Variants in SMURF2 observed in about 807,000 individuals in gnomAD.
SMURF2 encodes E3 ubiquitin-protein ligase SMURF2.
Under a neutral mutation model 109.6 loss-of-function variants are expected in SMURF2, and 48 were observed. The ratio of observed to expected loss-of-function variants is 0.44; its 90% confidence interval spans 0.35 to 0.56. The LOEUF (loss-of-function observed/expected upper bound fraction) is 0.56, where lower values mean the gene tolerates loss of function less well. Among genes scored for constraint, SMURF2 ranks in the 20% least tolerant of loss-of-function variants. SMURF2 has a pLI of 0.01. For synonymous variants in SMURF2, 288 were observed against 317.1 expected, an observed-to-expected ratio of 0.91 and a Z score of 0.97; for missense variants, 575 against 909.0, an observed-to-expected ratio of 0.63 and a Z score of 4.72.
At chr17:64,586,608 AGGCGTGGTGGTG>A (rs1302053855) in intron 5 of SMURF2, among the ~76,000 whole-genome samples, 1 of 151,196 alleles carries the variant, frequency 6.6e-6, no homozygotes, top group African/African-American at 2.4e-5. Flanking sequence ...AAAATTAGCC[AGGCGTGGTGGTG>A]GGCACCTGTA....
chr17:64,615,622 T>G (rs941807265), intron 1 of SMURF2, among the ~76,000 whole-genome samples: 15 of 152,244 alleles, frequency 9.9e-5, no homozygotes, highest in Non-Finnish European at 2.2e-4. Context: ...CAATTTTTTA[T>G]GTGTTTTAGT....
At chr17:64,555,724 T>C in intron 14 of SMURF2, 96 bp downstream of exon 14, 1 of 787,468 alleles carries the variant, frequency 1.3e-6, no homozygotes, top group Non-Finnish European at 1.9e-6. Context: ...CCACTCAATA[T>C]TTTCTGTGTA....
intron 10 of SMURF2, among the ~76,000 whole-genome samples, chr17:64,563,561 A>T (rs1033813834): frequency 6.6e-6 from 1 of 152,222 alleles, no homozygotes; most frequent in Non-Finnish European, 1.5e-5. Flanking sequence ...CAACTGTATA[A>T]TCTTATTTTT....
chr17:64,550,940 A>C (rs1277239811), intron 16 of SMURF2, among the ~76,000 whole-genome samples: 1 of 152,216 alleles, frequency 6.6e-6, no homozygotes, highest in Non-Finnish European at 1.5e-5. Flanking sequence ...TTACTTAACT[A>C]AATCAGTAAC....
intron 2 of SMURF2, among the ~76,000 whole-genome samples, chr17:64,605,706 T>C (rs571836912): frequency 9.3e-4 from 135 of 144,584 alleles, no homozygotes; most frequent in African/African-American, 3.3e-3. Flanking sequence ...CACTCTACTA[T>C]AGCCTGGGTG....
At chr17:64,656,671 A>T (rs1349036070) in intron 1 of SMURF2, among the ~76,000 whole-genome samples, 1 of 149,202 alleles carries the variant, frequency 6.7e-6, no homozygotes, top group Non-Finnish European at 1.5e-5. Context: ...AAGAATCCTT[A>T]AAAAAAAAAT....
intron 1 of SMURF2, among the ~76,000 whole-genome samples, chr17:64,607,411 A>C (rs553213861): frequency 4.7e-4 from 71 of 151,842 alleles, no homozygotes; most frequent in African/African-American, 1.7e-3. Flanking sequence ...GCGGATCACA[A>C]TGTCAGGAGT....
At chr17:64,632,220 A>G (rs900497855) in intron 1 of SMURF2, among the ~76,000 whole-genome samples, 5 of 152,042 alleles carry the variant, frequency 3.3e-5, no homozygotes, top group African/African-American at 1.2e-4. Flanking sequence ...CGACCTCCCA[A>G]AGTGCTGGGA....
At chr17:64,655,790 G>C (rs1473742813) in intron 1 of SMURF2, among the ~76,000 whole-genome samples, 1 of 152,094 alleles carries the variant, frequency 6.6e-6, no homozygotes, top group Non-Finnish European at 1.5e-5. Context: ...AGCTACTAGG[G>C]AGGTTGAGGC....
intron 10 of SMURF2, among the ~76,000 whole-genome samples, chr17:64,566,561 G>GTTTTTTTTTTTTTGTTTTTTTTTTTTTT (rs1969306919): frequency 4.6e-5 from 2 of 43,784 alleles, no homozygotes; most frequent in African/African-American, 1.5e-4. Flanking sequence ...AAGCTTTCTG[G>GTTTTTTTTTTTTTGTTTTTTTTTTTTTT]TTTTTTTTTT....
chr17:64,593,625 G>A (rs1969778863), intron 3 of SMURF2, 52 bp from the exon 4 acceptor site: 5 of 1,427,998 alleles, frequency 3.5e-6, no homozygotes, highest in East Asian at 2.4e-5. Flanking sequence ...GGCAGTTGGC[G>A]TAAAATTTTT....
At chr17:64,584,340 A>G (rs1969618424) in intron 6 of SMURF2, among the ~76,000 whole-genome samples, 1 of 145,184 alleles carries the variant, frequency 6.9e-6, no homozygotes, top group Non-Finnish European at 1.5e-5. Context: ...AAAAATCGAA[A>G]CAGCTACTTT....
At chr17:64,604,332 CTT>C (rs1555688849) in intron 2 of SMURF2, among the ~76,000 whole-genome samples, 1 of 152,088 alleles carries the variant, frequency 6.6e-6, no homozygotes, top group Non-Finnish European at 1.5e-5. Flanking sequence ...AGTTCACACT[CTT>C]AGAATTTTTA....
chr17:64,580,730 T>C (rs1969566373), intron 8 of SMURF2, 59 bp downstream of exon 8: 2 of 1,507,860 alleles, frequency 1.3e-6, no homozygotes, highest in Non-Finnish European at 1.8e-6. Flanking sequence ...ATTTTCTGAC[T>C]TCCTCAGCAA....
intron 15 of SMURF2, among the ~76,000 whole-genome samples, 168 bp downstream of exon 15, chr17:64,554,688 C>A (rs1555683887): frequency 6.6e-6 from 1 of 152,118 alleles, no homozygotes; most frequent in East Asian, 1.9e-4. Flanking sequence ...ATTTCCTGAC[C>A]CATGGAATTG....
At chr17:64,598,619 A>T (rs1969850402) in intron 2 of SMURF2, 129 bp from the exon 3 acceptor site, 1 of 639,470 alleles carries the variant, frequency 1.6e-6, no homozygotes, top group Non-Finnish European at 2.4e-6. Flanking sequence ...GCTATAAATG[A>T]ATAGTCCATT....
chr17:64,577,225 T>TA lies in SMURF2; in HGVS notation c.857+1266dup, dbSNP rs1271510590. Among the ~76,000 whole-genome samples, 9 of 151,976 alleles carry TA rather than the reference T, an allele frequency of 5.9e-5. No homozygotes were observed. The East Asian group carries it at 1.5e-3, about 26-fold the overall frequency. ...TACACCATGGAATACTATGCAGCCA[T>TA]AAAAAAGGATGAGTTCATGTCCTTT... On this transcript the variant is annotated intron_variant, in intron 9 of 18. Coordinates refer to ENST00000262435, the MANE Select transcript of SMURF2 (RefSeq NM_022739.4).
intron 1 of SMURF2, among the ~76,000 whole-genome samples, chr17:64,626,842 T>C (rs768410910): frequency 3.3e-5 from 5 of 151,002 alleles, no homozygotes; most frequent in Non-Finnish European, 7.4e-5. Context: ...ATTATAACTA[T>C]AAAATAGACA....
At chr17:64,605,940 T>C (rs1555689011) in intron 2 of SMURF2, among the ~76,000 whole-genome samples, 9 of 150,352 alleles carry the variant, frequency 6.0e-5, no homozygotes, top group African/African-American at 2.2e-4. Context: ...TTTTTTTCAC[T>C]AAAAATTATA....
Sources: allele counts gnomAD v4.1 joint callset (sites outside exome capture counted in the v4.1 genomes callset), GRCh38; gene constraint gnomAD v4.1.1; transcripts MANE v1.5; gene names NCBI Gene and HGNC (gene_info 2026-07-23, HGNC 2026-07-21).